Variants in CIZ1 observed in about 807,000 individuals in gnomAD.
CIZ1 encodes the protein CDKN1A interacting zinc finger protein 1.
A neutral mutation model predicts 118.6 loss-of-function variants in CIZ1; 58 were observed. The ratio of observed to expected loss-of-function variants is 0.49; its 90% CI spans 0.40 to 0.61. The LOEUF is 0.61. Among genes scored for constraint, CIZ1 ranks in the 20% least tolerant of loss-of-function variants. CIZ1 has a pLI of 0.00. For missense variants in CIZ1, 921 were observed against 1,115.9 expected, an observed-to-expected ratio of 0.83 and a Z score of 2.49; for synonymous variants, 448 against 443.4, an observed-to-expected ratio of 1.01 and a Z score of -0.13.
intron 14 of CIZ1, chr9:128,167,416 G>T (rs1829569722): frequency 2.0e-6 from 1 of 501,996 alleles, no homozygotes; most frequent in Non-Finnish European, 3.5e-6. Flanking sequence ...TCCTACAGGC[G>T]CCATAATCCA....
intron 9 of CIZ1, among the ~76,000 whole-genome samples, 190 bp from the exon 10 acceptor site, chr9:128,177,953 C>A (rs1054236876): frequency 6.6e-6 from 1 of 152,150 alleles, no homozygotes; most frequent in South Asian, 2.1e-4. Context: ...GAACCCAGGT[C>A]GGCCTAAAGT....
intron 5 of CIZ1, among the ~76,000 whole-genome samples, chr9:128,181,733 C>T (rs1417465334): frequency 6.8e-6 from 1 of 147,712 alleles, no homozygotes; most frequent in African/African-American, 2.6e-5. Flanking sequence ...CGTCAAGGAA[C>T]AACACCCGCT....
intron 11 of CIZ1, among the ~76,000 whole-genome samples, chr9:128,175,534 G>A (rs943944867): frequency 9.9e-5 from 15 of 152,118 alleles, no homozygotes; most frequent in Non-Finnish European, 1.8e-4. Context: ...GCCCCACCTG[G>A]AAGCTTCAAA....
chr9:128,188,091 T>TAAAAAA (rs1564294678), intron 3 of CIZ1, among the ~76,000 whole-genome samples, 157 bp from the exon 4 acceptor site: 1 of 26,888 alleles, frequency 3.7e-5, no homozygotes, highest in Non-Finnish European at 8.8e-5. Flanking sequence ...AACAAAAAAT[T>TAAAAAA]AAAAAAAGCA....
intron 11 of CIZ1, 125 bp from the exon 12 acceptor site, chr9:128,170,232 A>G (rs140987513): frequency 6.1e-6 from 5 of 815,538 alleles, no homozygotes; most frequent in African/African-American, 3.5e-5. Context: ...GAAGCTTAAC[A>G]AAATGGTTCT....
intron 1 of CIZ1, among the ~76,000 whole-genome samples, chr9:128,198,747 G>T (rs1346167878): frequency 6.6e-6 from 1 of 151,862 alleles, no homozygotes; most frequent in African/African-American, 2.4e-5. Context: ...CAGGGGAATC[G>T]CTTGAACCCA....
chr9:128,195,642 C>CT (rs1441738260), upstream of CIZ1, among the ~76,000 whole-genome samples: 2 of 151,884 alleles, frequency 1.3e-5, no homozygotes, highest in African/African-American at 4.8e-5. Context: ...TGCTCCAGGA[C>CT]TTTATCTATC....
chr9:128,189,967 T>C (rs940427629), intron 3 of CIZ1, among the ~76,000 whole-genome samples: 6 of 151,446 alleles, frequency 4.0e-5, no homozygotes, highest in African/African-American at 7.3e-5. Flanking sequence ...GACATCTGGA[T>C]GGTCAAGAGG....
intron 14 of CIZ1, chr9:128,167,640 C>T (rs1309138173): frequency 1.8e-5 from 3 of 165,390 alleles, no homozygotes; most frequent in East Asian, 1.9e-4. Flanking sequence ...CTGCTAACTC[C>T]CTGAGGTCCT....
At position 128,167,172 on chromosome 9, in the gene CIZ1, C is replaced by T; in HGVS notation, c.2296-8G>A. The T allele has an allele frequency of 6.4e-7, 1 of 1,571,480 alleles. No homozygotes were observed. The highest frequency in any genetic ancestry group is 1.2e-5 in the South Asian group (1 of 84,118). ...TATATCTCTGGACCTCACCTGAAAA[C>T]ATGCAAGTGTGGGCCTCGGATCTGG... is the stretch of plus-strand genomic sequence containing the variant. On this transcript the variant is annotated splice_region_variant and splice_polypyrimidine_tract_variant and intron_variant, in intron 14 of 16. Coordinates refer to ENST00000372938, the MANE Select transcript of CIZ1 (RefSeq NM_001131016.2).
At chr9:128,169,901 G>C in intron 12 of CIZ1, 119 bp downstream of exon 12, 1 of 1,042,074 alleles carries the variant, frequency 9.6e-7, no homozygotes, top group Non-Finnish European at 1.4e-6. Flanking sequence ...ACTGCATTGT[G>C]GGTTATGGGT....
intron 5 of CIZ1, among the ~76,000 whole-genome samples, chr9:128,181,362 G>A (rs1156781034): frequency 6.6e-6 from 1 of 152,202 alleles, no homozygotes; most frequent in Non-Finnish European, 1.5e-5. Flanking sequence ...CCCAGGCACC[G>A]AGGCAAGAGA....
At chr9:128,172,030 G>A (rs1014357196) in intron 11 of CIZ1, among the ~76,000 whole-genome samples, 2 of 151,516 alleles carry the variant, frequency 1.3e-5, no homozygotes, top group Non-Finnish European at 2.9e-5. Context: ...GCTGGTTCAC[G>A]CCTGTAATCC....
intron 12 of CIZ1, chr9:128,169,798 G>A (rs543079803): frequency 3.7e-4 from 474 of 1,287,820 alleles, no homozygotes; most frequent in Non-Finnish European, 4.8e-4. Flanking sequence ...TGTGAGCCCC[G>A]TGGCTGAATG....
In CIZ1 at chr9:128,179,372, C is replaced by A; in HGVS notation, c.835G>T (p.Val279Leu). 2 of 1,612,736 alleles carry A rather than the reference C, an allele frequency of 1.2e-6. No individual in the cohort carries two copies. Among genetic ancestry groups the A allele is most frequent in the Non-Finnish European group, 1.7e-6 (2 of 1,179,372 alleles). The change falls in exon 8 of 17, where the codon GTG (valine) becomes TTG (leucine). Residue 279 changes from valine (V) to leucine (L), a missense_variant. Transcript: ENST00000372938. ...ATCCGGGCCTGCGGCTGGGCCTTCA[C>A]CTGTAACTGCCCTGGAGGTTCCTTC... ...TEKEPPGQLQ[V>L]KAQPQARMTV...
In CIZ1 at chr9:128,166,804, T is replaced by C. The variant is rs1291515221; in HGVS notation, c.2442A>G (p.Ala814=). 3.7e-6 allele frequency: 6 copies of C among 1,614,066 alleles called. No homozygotes were observed. Among genetic ancestry groups the C allele is most frequent in the Non-Finnish European group, 5.1e-6 (6 of 1,180,018 alleles). Reference sequence around the variant, plus strand: ...CCAGGGACTTGCAGTGGGAGAGCTGTGCCCCTGAGTTGCTGTGATAGAACT... The same window carrying C: ...CCAGGGACTTGCAGTGGGAGAGCTGCGCCCCTGAGTTGCTGTGATAGAACT... ...CHKFYHSNSG[A]QLSHCKSLGH... is the part of the protein sequence containing the mutation. Residue 814 remains alanine (A), a synonymous_variant, in exon 16 of 17, where the codon GCA becomes GCG. Transcript: ENST00000372938. The surrounding 1 kb of genome is among the most constrained non-coding windows in gnomAD (Gnocchi z 4.4).
At chr9:128,196,605 T>C (rs986061075), upstream of CIZ1, among the ~76,000 whole-genome samples, 3 of 151,572 alleles carry the variant, frequency 2.0e-5, no homozygotes, top group African/African-American at 7.3e-5. Flanking sequence ...AATGTCTCTA[T>C]TATTTATTTA....
At position 128,178,401 on chromosome 9, in the gene CIZ1, C is replaced by G. The variant is rs1458153671; in HGVS notation, c.1588G>C (p.Glu530Gln). The change falls in exon 9 of 17, where the codon GAA becomes CAA. Residue 530 changes from glutamate to glutamine, a missense_variant. Transcript: ENST00000372938. The part of the protein sequence containing the change: ...NESACGLDVG[E>Q]CENRAREMPG... ...ATCTCTCTCGCTCTGTTTTCACATTCTCCCACATCTAGGCCACAGGCCGAC... is the reference window on the plus strand; with the variant it reads ...ATCTCTCTCGCTCTGTTTTCACATTGTCCCACATCTAGGCCACAGGCCGAC... The G allele has an allele frequency of 1.2e-6, 2 of 1,613,808 alleles. No individual in the cohort carries two copies. The highest frequency in any genetic ancestry group is 1.7e-6 in the Non-Finnish European group (2 of 1,179,958).
chr9:128,195,259 A>T (rs899870647), upstream of CIZ1, among the ~76,000 whole-genome samples: 1 of 152,160 alleles, frequency 6.6e-6, no homozygotes, highest in Non-Finnish European at 1.5e-5. Flanking sequence ...CCACAATATG[A>T]TGTGAAGTGA....
Sources: allele counts gnomAD v4.1 joint callset (sites outside exome capture counted in the v4.1 genomes callset), GRCh38; gene constraint gnomAD v4.1.1; non-coding constraint Gnocchi (gnomAD v3.1); transcripts MANE v1.5; gene names NCBI Gene and HGNC (gene_info 2026-07-23, HGNC 2026-07-21).